ZNF184: variants seen among roughly 807,000 people sequenced by gnomAD.
ZNF184 encodes the protein zinc finger protein 184, also known as zinc finger protein 184 (Kruppel-like).
In ZNF184, 16 loss-of-function variants were observed where a neutral mutation model predicts 54.4. The ratio of observed to expected loss-of-function variants is 0.29; its 90% CI spans 0.20 to 0.45. ZNF184 has a LOEUF of 0.45. Among genes scored for constraint, ZNF184 ranks in the 20% least tolerant of loss-of-function variants. The probability of loss-of-function intolerance (pLI) is 1.00; values close to 1 mark genes in which losing one functional copy is unlikely to be tolerated. For missense variants in ZNF184, 681 were observed against 888.2 expected, an observed-to-expected ratio of 0.77 and a Z score of 2.97; for synonymous variants, 254 against 295.3, an observed-to-expected ratio of 0.86 and a Z score of 1.43.
At chr6:27,408,219 C>A in the ZNF184 span, among the ~76,000 whole-genome samples, 16 of 152,292 alleles carry the variant, frequency 1.1e-4, no homozygotes, top group Non-Finnish European at 2.1e-4. Context: ...CCTTATTGGA[C>A]AAGGGCTTGC....
chr6:27,465,739 A>G (rs576629251), intron 3 of ZNF184, among the ~76,000 whole-genome samples: 153 of 152,296 alleles, frequency 1.0e-3, no homozygotes, highest in African/African-American at 3.6e-3. Context: ...GCTTCAAAAT[A>G]TATTTGCGAA....
At chr6:27,442,006 G>A in the ZNF184 span, among the ~76,000 whole-genome samples, 1 of 152,230 alleles carries the variant, frequency 6.6e-6, no homozygotes, top group African/African-American at 2.4e-5. Context: ...AGTTAGATGT[G>A]TGATTCAAAT....
chr6:27,423,550 A>G, the ZNF184 span, among the ~76,000 whole-genome samples: 4 of 151,996 alleles, frequency 2.6e-5, no homozygotes, highest in African/African-American at 9.7e-5. Flanking sequence ...CCTTCCCCCA[A>G]CATTTTCCTT....
chr6:27,424,322 G>A, the ZNF184 span, among the ~76,000 whole-genome samples: 1 of 152,200 alleles, frequency 6.6e-6, no homozygotes, highest in Non-Finnish European at 1.5e-5. Context: ...AAGATTTATT[G>A]CAAAGAGTAA....
chr6:27,404,048 C>T, the ZNF184 span: 1 of 152,002 alleles, frequency 6.6e-6, no homozygotes, highest in African/African-American at 2.4e-5. Flanking sequence ...ATTATAACTC[C>T]ATTGTGTGTA....
At chr6:27,422,147 A>AAG in the ZNF184 span, among the ~76,000 whole-genome samples, 2 of 49,756 alleles carry the variant, frequency 4.0e-5, 1 homozygote, top group Non-Finnish European at 8.1e-5. Context: ...CCTCAAAAAA[A>AAG]AAAAGAAAGA....
At chr6:27,424,011 C>A in the ZNF184 span, among the ~76,000 whole-genome samples, 3 of 152,280 alleles carry the variant, frequency 2.0e-5, no homozygotes, top group East Asian at 3.9e-4. Context: ...TCACTGACTT[C>A]AAGAATGAAG....
the ZNF184 span, among the ~76,000 whole-genome samples, chr6:27,411,022 CA>C: frequency 9.2e-3 from 1,394 of 152,290 alleles, 22 homozygotes; most frequent in African/African-American, 0.028. Flanking sequence ...GCTACTACAA[CA>C]AAAACTTGTG....
intron 5 of ZNF184, among the ~76,000 whole-genome samples, chr6:27,455,452 T>C (rs1762830540): frequency 6.6e-6 from 1 of 152,240 alleles, no homozygotes; most frequent in Non-Finnish European, 1.5e-5. Flanking sequence ...TCTGGTCAAG[T>C]AAAATTTCAT....
the ZNF184 span, among the ~76,000 whole-genome samples, chr6:27,424,070 G>A: frequency 5.3e-4 from 80 of 152,300 alleles, no homozygotes; most frequent in African/African-American, 1.9e-3. Context: ...GGCACGCCTG[G>A]AGTTTGTTCC....
At chr6:27,433,622 A>T in the ZNF184 span, among the ~76,000 whole-genome samples, 1 of 152,262 alleles carries the variant, frequency 6.6e-6, no homozygotes, top group Non-Finnish European at 1.5e-5. Flanking sequence ...TATTTCACTT[A>T]GCATAATGTT....
chr6:27,453,031 T>G lies in ZNF184; in HGVS notation c.528A>C (p.Lys176Asn). The G allele has an allele frequency of 6.2e-7, 1 of 1,613,842 alleles. No individual in the cohort carries two copies. Among genetic ancestry groups the G allele is most frequent in the Non-Finnish European group, 8.5e-7 (1 of 1,179,884 alleles). ...VTEKTIPSWE[K>N]GPVNNEFGKS... ...TCCCAAATTCATTATTTACAGGGCC[T>G]TTTTCCCAACTGGGTATTGTCTTTT... Residue 176 changes from lysine (K) to asparagine (N), a missense_variant, in exon 6 of 6, where the codon AAA (lysine) becomes AAC (asparagine). Lys to Asn is a moderately conservative substitution (Grantham distance 94). Transcript: ENST00000683788. The surrounding 1 kb of genome is among the most constrained non-coding windows in gnomAD (Gnocchi z 4.7).
At chr6:27,462,330 T>C (rs1763016357) in intron 3 of ZNF184, among the ~76,000 whole-genome samples, 1 of 151,772 alleles carries the variant, frequency 6.6e-6, no homozygotes, top group South Asian at 2.1e-4. Context: ...CCCGAGTATC[T>C]GGGACCGCAG....
chr6:27,458,307 A>C (rs890699789), intron 3 of ZNF184, among the ~76,000 whole-genome samples: 4 of 150,078 alleles, frequency 2.7e-5, no homozygotes, highest in African/African-American at 9.7e-5. Context: ...AAAAAAAAAA[A>C]AAAAAAAAAA....
intron 3 of ZNF184, among the ~76,000 whole-genome samples, chr6:27,461,289 T>C (rs1303007794): frequency 1.3e-5 from 2 of 152,208 alleles, no homozygotes; most frequent in Non-Finnish European, 2.9e-5. Context: ...CAGAAGCCTG[T>C]ACCTGATTTC....
intron 3 of ZNF184, among the ~76,000 whole-genome samples, chr6:27,458,295 T>TAAAAAAAAAAAAAAA (rs55966783): frequency 1.6e-5 from 1 of 62,366 alleles, no homozygotes; most frequent in Non-Finnish European, 2.9e-5. Context: ...TTCTGCACAG[T>TAAAAAAAAAAAAAAA]AAAAAAAAAA....
chr6:27,444,988 T>A, the ZNF184 span, among the ~76,000 whole-genome samples: 1 of 152,206 alleles, frequency 6.6e-6, no homozygotes, highest in East Asian at 1.9e-4. Context: ...ATGGAAACTC[T>A]CAAACATGGG....
chr6:27,442,866 GAAAGAAAGAAAGAA>G, the ZNF184 span, among the ~76,000 whole-genome samples: 2 of 60,352 alleles, frequency 3.3e-5, no homozygotes, highest in African/African-American at 5.8e-5. Context: ...AAGAAAGAAA[GAAAGAAAGAAAGAA>G]AAAGAAAAAA....
intron 2 of ZNF184, among the ~76,000 whole-genome samples, chr6:27,469,925 A>C (rs1451931445): frequency 6.6e-6 from 1 of 152,202 alleles, no homozygotes; most frequent in Non-Finnish European, 1.5e-5. Context: ...GGGACTAAAT[A>C]TAAAGACAGT....
Sources: allele counts gnomAD v4.1 joint callset (sites outside exome capture counted in the v4.1 genomes callset), GRCh38; gene constraint gnomAD v4.1.1; non-coding constraint Gnocchi (gnomAD v3.1); transcripts MANE v1.5; gene names NCBI Gene and HGNC (gene_info 2026-07-23, HGNC 2026-07-21).